BICC1: variants seen among roughly 807,000 people sequenced by gnomAD.
The protein encoded by BICC1 is protein bicaudal C homolog 1.
Under a neutral mutation model 111.0 loss-of-function variants are expected in BICC1, and 43 were observed. The observed-to-expected ratio is 0.39, with a 90% CI of 0.30 to 0.50. The LOEUF (loss-of-function observed/expected upper bound fraction) is 0.50, where lower values mean the gene tolerates loss of function less well. BICC1 is among the 20% of genes least tolerant of loss of function. The probability of loss-of-function intolerance (pLI) is 0.88; values close to 1 mark genes in which losing one functional copy is unlikely to be tolerated. For synonymous variants in BICC1, 467 were observed against 434.4 expected, an observed-to-expected ratio of 1.07 and a Z score of -0.93; for missense variants, 1,091 against 1,203.2, an observed-to-expected ratio of 0.91 and a Z score of 1.38.
At chr10:58,791,735 G>A (rs147625916) in intron 8 of BICC1, among the ~76,000 whole-genome samples, 1,639 of 151,540 alleles carry the variant, frequency 0.011, 34 homozygotes, top group African/African-American at 0.037. Flanking sequence ...GCAAGACTCC[G>A]TTTAAAAAAA....
At chr10:58,691,269 T>C (rs1029328118) in intron 2 of BICC1, among the ~76,000 whole-genome samples, 1 of 152,210 alleles carries the variant, frequency 6.6e-6, no homozygotes, top group Non-Finnish European at 1.5e-5. Flanking sequence ...AATTATACAC[T>C]GTTGTATTCA....
intron 2 of BICC1, among the ~76,000 whole-genome samples, chr10:58,688,212 G>A (rs939996625): frequency 2.6e-4 from 40 of 152,034 alleles, no homozygotes; most frequent in East Asian, 1.9e-4. Context: ...GTGGGTTGCC[G>A]CTGCTGGCTC....
intron 1 of BICC1, among the ~76,000 whole-genome samples, chr10:58,530,097 A>G (rs1208128272): frequency 6.6e-6 from 1 of 151,878 alleles, no homozygotes; most frequent in Non-Finnish European, 1.5e-5. Context: ...TTTAAAAGGA[A>G]TATAATCTAG....
At position 58,587,198 on chromosome 10, in the gene BICC1, G is replaced by A. The variant is rs568492235; in HGVS notation, c.191-33657G>A. Among the ~76,000 whole-genome samples the A allele has an allele frequency of 5.9e-5, 9 of 152,216 alleles. 1 individual carries two copies. The South Asian group carries it at 1.9e-3, about 32-fold the overall frequency. On this transcript the variant is annotated intron_variant, in intron 1 of 20. Coordinates refer to ENST00000373886, the MANE Select transcript of BICC1 (RefSeq NM_001080512.3). ...TCTTCTTCTGTGTTCATGCATACGT[G>A]TTCTGCTTGCTTTACCTAATAGGTT...
intron 5 of BICC1, among the ~76,000 whole-genome samples, chr10:58,787,931 G>A (rs1843059232): frequency 6.6e-6 from 1 of 152,100 alleles, no homozygotes; most frequent in Admixed American, 6.6e-5. Context: ...GTAAGCTCGA[G>A]GTAGATGTTG....
At chr10:58,820,017 T>C (rs1047928434) in intron 19 of BICC1, among the ~76,000 whole-genome samples, 4 of 152,148 alleles carry the variant, frequency 2.6e-5, no homozygotes, top group Non-Finnish European at 5.9e-5. Flanking sequence ...TTTCTTCTTA[T>C]AAAGATAAAG....
intron 2 of BICC1, among the ~76,000 whole-genome samples, chr10:58,654,251 T>C (rs1359450716): frequency 8.7e-5 from 11 of 125,754 alleles, no homozygotes; most frequent in East Asian, 4.8e-4. Context: ...CCTGAGGAAT[T>C]GCCACACTGA....
chr10:58,653,660 T>C (rs1444592928), intron 2 of BICC1, among the ~76,000 whole-genome samples: 1 of 136,590 alleles, frequency 7.3e-6, no homozygotes, highest in Non-Finnish European at 1.6e-5. Context: ...TGCACATCCT[T>C]TTACAAGTAT....
At chr10:58,637,504 C>G (rs1837985214) in intron 2 of BICC1, among the ~76,000 whole-genome samples, 1 of 152,326 alleles carries the variant, frequency 6.6e-6, no homozygotes, top group South Asian at 2.1e-4. Flanking sequence ...CGTGTCTCAG[C>G]CACAAGAATT....
In BICC1 at chr10:58,807,120, CAT is replaced by C; in HGVS notation, c.2339_2340del (p.His780ArgfsTer4). 1 of 1,613,900 alleles carries C rather than the reference CAT, an allele frequency of 6.2e-7. No homozygotes were observed. The highest frequency in any genetic ancestry group is 8.5e-7 in the Non-Finnish European group (1 of 1,179,852). On this transcript the variant is annotated frameshift_variant, in exon 17 of 21. Transcript: ENST00000373886. LOFTEE classifies it high-confidence loss of function. ...ETIKELRRAN[H>X]VSYKPTMTTT... ...TATCAAGGAGTTGAGAAGGGCCAAT[CAT>C]GTGTCCTATAAGCCCACAATGACAA...
At chr10:58,818,185 T>C (rs2132960423) in intron 19 of BICC1, among the ~76,000 whole-genome samples, 1 of 152,288 alleles carries the variant, frequency 6.6e-6, no homozygotes, top group East Asian at 1.9e-4. Context: ...AGAATATATG[T>C]TTTTTTCAAC....
chr10:58,580,769 T>G (rs1844258794), intron 1 of BICC1, among the ~76,000 whole-genome samples: 1 of 152,198 alleles, frequency 6.6e-6, no homozygotes, highest in Non-Finnish European at 1.5e-5. Flanking sequence ...AATATTTTTA[T>G]TAAATTTGAA....
chr10:58,786,312 T>A (rs959044831), intron 4 of BICC1, among the ~76,000 whole-genome samples: 1 of 152,150 alleles, frequency 6.6e-6, no homozygotes, highest in Non-Finnish European at 1.5e-5. Context: ...CTAATGTACT[T>A]TGAATTTCTT....
intron 3 of BICC1, among the ~76,000 whole-genome samples, chr10:58,768,624 T>C (rs978086224): frequency 2.0e-5 from 3 of 152,020 alleles, no homozygotes; most frequent in Non-Finnish European, 4.4e-5. Flanking sequence ...AAGACAAAAG[T>C]ATTAAAAATA....
chr10:58,671,771 C>G (rs1372853739), intron 2 of BICC1, among the ~76,000 whole-genome samples: 2 of 152,054 alleles, frequency 1.3e-5, no homozygotes, highest in Admixed American at 1.3e-4. Flanking sequence ...CTTGTTTTTT[C>G]AACTCACTCC....
At chr10:58,627,068 C>T (rs1837655043) in intron 2 of BICC1, among the ~76,000 whole-genome samples, 1 of 151,974 alleles carries the variant, frequency 6.6e-6, no homozygotes, top group African/African-American at 2.4e-5. Flanking sequence ...TGCCATTGCA[C>T]TCCAGCCTGG....
intron 1 of BICC1, among the ~76,000 whole-genome samples, chr10:58,567,850 CAAGT>C (rs1192723001): frequency 6.6e-6 from 1 of 152,166 alleles, no homozygotes; most frequent in African/African-American, 2.4e-5. Context: ...ATCTGATTCT[CAAGT>C]AAGTGTCTTA....
chr10:58,646,901 G>A (rs1388555935), intron 2 of BICC1, among the ~76,000 whole-genome samples: 1 of 151,882 alleles, frequency 6.6e-6, no homozygotes, highest in Non-Finnish European at 1.5e-5. Context: ...TGGAAACATA[G>A]CCTTTTTCCT....
At chr10:58,685,392 G>T (rs1283053354) in intron 2 of BICC1, among the ~76,000 whole-genome samples, 1 of 152,176 alleles carries the variant, frequency 6.6e-6, no homozygotes, top group African/African-American at 2.4e-5. Context: ...TCCGCTTGGT[G>T]CAGAGTTGAG....
Sources: allele counts gnomAD v4.1 joint callset (sites outside exome capture counted in the v4.1 genomes callset), GRCh38; gene constraint gnomAD v4.1.1; transcripts MANE v1.5; gene names NCBI Gene and HGNC (gene_info 2026-07-23, HGNC 2026-07-21).